Variants in MRS2 observed in about 807,000 individuals in gnomAD.
MRS2 encodes magnesium transporter MRS2.
A neutral mutation model predicts 52.6 loss-of-function variants in MRS2; 40 were observed. The observed-to-expected ratio is 0.76, with a 90% CI of 0.59 to 0.99. The LOEUF is 0.99. Among genes scored for constraint, MRS2 ranks in the 50% least tolerant of loss-of-function variants. The probability of loss-of-function intolerance (pLI) is 0.00; values close to 1 mark genes in which losing one functional copy is unlikely to be tolerated. For missense variants in MRS2, 472 were observed against 532.7 expected, an observed-to-expected ratio of 0.89 and a Z score of 1.12; for synonymous variants, 193 against 195.9, an observed-to-expected ratio of 0.98 and a Z score of 0.13.
intron 3 of MRS2, 97 bp downstream of exon 3, chr6:24,408,541 C>A: frequency 1.2e-6 from 1 of 864,386 alleles, no homozygotes; most frequent in Non-Finnish European, 1.9e-6. Flanking sequence ...ATATTCTTTG[C>A]ATATACAGGT....
At chr6:24,403,928 A>G (rs1761373526) in intron 1 of MRS2, among the ~76,000 whole-genome samples, 2 of 152,212 alleles carry the variant, frequency 1.3e-5, no homozygotes, top group Non-Finnish European at 2.9e-5. Flanking sequence ...GTAAACAGCC[A>G]GGGAGATCGG....
intron 2 of MRS2, among the ~76,000 whole-genome samples, chr6:24,405,618 C>A (rs566328228): frequency 4.9e-4 from 69 of 141,646 alleles, no homozygotes; most frequent in African/African-American, 1.8e-3. Context: ...TGAAATGGTT[C>A]GGGGGTGGGG....
At chr6:24,420,384 A>G (rs780138101) in intron 9 of MRS2, among the ~76,000 whole-genome samples, 17 of 152,256 alleles carry the variant, frequency 1.1e-4, no homozygotes, top group African/African-American at 1.4e-4. Context: ...AAAGCCTGCA[A>G]AAGAGCATGA....
At chr6:24,407,780 T>C (rs1761525397) in intron 2 of MRS2, among the ~76,000 whole-genome samples, 1 of 152,028 alleles carries the variant, frequency 6.6e-6, no homozygotes, top group Admixed American at 6.6e-5. Context: ...AACAACAGGG[T>C]AGTGTTAGGT....
intron 4 of MRS2, among the ~76,000 whole-genome samples, chr6:24,409,850 T>C (rs1379380419): frequency 6.6e-6 from 1 of 152,254 alleles, no homozygotes; most frequent in African/African-American, 2.4e-5. Context: ...TCTCTAGTTC[T>C]GGAAACTATA....
At chr6:24,410,905 A>C in intron 4 of MRS2, 1 of 615,308 alleles carries the variant, frequency 1.6e-6, no homozygotes, top group Non-Finnish European at 2.8e-6. Flanking sequence ...AATTTTCATG[A>C]GGCTAGGTTG....
At chr6:24,418,941 A>G (rs1397157466) in intron 9 of MRS2, 2 of 171,002 alleles carry the variant, frequency 1.2e-5, no homozygotes, top group Non-Finnish European at 2.5e-5. Context: ...TTTTTAATGG[A>G]TTTAAAAAAT....
chr6:24,425,242 A>AAT lies in MRS2; in HGVS notation c.*1548_*1549insAT, dbSNP rs1305125853. On this transcript the variant is annotated 3_prime_UTR_variant, in exon 11 of 11. Coordinates refer to ENST00000378386, the MANE Select transcript of MRS2 (RefSeq NM_020662.4). ...TCGTATCACTGTAAAATACATAATA[A>AAT]GTACTACTTAACTGTGACATGAAGA... 2 of 152,216 alleles carry AAT rather than the reference A, an allele frequency of 1.3e-5. No homozygotes were observed. The highest frequency in any genetic ancestry group is 2.9e-5 in the Non-Finnish European group (2 of 68,034). 9.4% of individuals were successfully genotyped at this position (152,216 alleles called of 1,614,324 possible).
At chr6:24,407,440 T>C (rs1467871363) in intron 2 of MRS2, among the ~76,000 whole-genome samples, 1 of 152,216 alleles carries the variant, frequency 6.6e-6, no homozygotes, top group Non-Finnish European at 1.5e-5. Flanking sequence ...CCAAGACCTA[T>C]ATTGTACTTA....
At chr6:24,404,491 G>A (rs1176833997) in intron 1 of MRS2, among the ~76,000 whole-genome samples, 1 of 152,066 alleles carries the variant, frequency 6.6e-6, no homozygotes, top group Non-Finnish European at 1.5e-5. Context: ...ACAGTCTCTG[G>A]AATCAGTGTA....
At position 24,418,446 on chromosome 6, in the gene MRS2, T is replaced by G. The variant is rs1211703862; in HGVS notation, c.990-15T>G. 1 of 1,613,734 alleles carries G rather than the reference T, an allele frequency of 6.2e-7. No individual in the cohort carries two copies. Among genetic ancestry groups the G allele is most frequent in the Non-Finnish European group, 8.5e-7 (1 of 1,179,898 alleles). On this transcript the variant is annotated splice_polypyrimidine_tract_variant and intron_variant, in intron 8 of 10. Transcript: ENST00000378386. ...AGTGGGCCCTTCTAATCTGAATAGG[T>G]GTTCTCCTCTCCAGCCACCGAAACG...
At chr6:24,423,556 C>A (rs199504969) in intron 10 of MRS2, 28 bp from the exon 11 acceptor site, 52 of 1,331,382 alleles carry the variant, frequency 3.9e-5, no homozygotes, top group Admixed American at 9.7e-5. Flanking sequence ...AAAAAAGATA[C>A]TAAAATTAAT....
Position 24,418,575 on chromosome 6 carries a change from A to C in MRS2, c.1104A>C (p.Glu368Asp). 6.2e-7 allele frequency: 1 copy of C among 1,604,676 alleles called. No individual in the cohort carries two copies. The highest frequency in any genetic ancestry group is 8.5e-7 in the Non-Finnish European group (1 of 1,171,540). ...AFGMNLESSL[E>D]EDHRIFWLIT... ...GAATGAATTTGGAATCTTCCCTTGA[A>C]GAGGTGAGAATGTATTATTATTTCT... Residue 368 changes from glutamate (E) to aspartate (D), a missense_variant, in exon 9 of 11, where the codon GAA becomes GAC. By Grantham distance (45) the Glu-to-Asp change is conservative. Transcript: ENST00000378386.
At chr6:24,409,670 G>C (rs1337371533) in intron 4 of MRS2, 97 bp downstream of exon 4, 2 of 707,878 alleles carry the variant, frequency 2.8e-6, no homozygotes, top group Non-Finnish European at 4.6e-6. Flanking sequence ...AAGTAATTTT[G>C]GAATAGAAAT....
chr6:24,403,312 C>G (rs1761350393), intron 1 of MRS2, 76 bp downstream of exon 1: 1 of 1,379,306 alleles, frequency 7.3e-7, no homozygotes, highest in Admixed American at 2.9e-5. Context: ...AGCCGTCCGG[C>G]GCGGCGCGCC....
At chr6:24,414,806 T>C (rs1384095126) in intron 5 of MRS2, among the ~76,000 whole-genome samples, 1 of 152,202 alleles carries the variant, frequency 6.6e-6, no homozygotes, top group East Asian at 1.9e-4. Context: ...GTTAGCTCCT[T>C]GTCAACCAAA....
chr6:24,403,163 C>A lies in MRS2; in HGVS notation c.117C>A (p.Cys39Ter). 1.2e-6 allele frequency: 2 copies of A among 1,608,844 alleles called. No individual in the cohort carries two copies. The highest frequency in any genetic ancestry group is 8.5e-7 in the Non-Finnish European group (1 of 1,179,852). ...VTSVGPPVAA[C>*]GRRANLIGRS... ...CTGTGGGTCCTCCCGTTGCTGCCTG[C>A]GGCCGCCGAGCCAACCTGATTGGAA... Residue 39 changes from cysteine (C) to a stop codon, truncating the protein, a stop_gained, in exon 1 of 11, where the codon TGC (cysteine) becomes TGA (stop). Transcript: ENST00000378386. LOFTEE classifies it high-confidence loss of function.
At chr6:24,422,643 G>A (rs939423184) in intron 9 of MRS2, among the ~76,000 whole-genome samples, 5 of 152,168 alleles carry the variant, frequency 3.3e-5, no homozygotes, top group Admixed American at 6.5e-5. Context: ...GTGTCCTCTG[G>A]CATCATGACT....
At chr6:24,420,021 A>C (rs1490218185) in intron 9 of MRS2, among the ~76,000 whole-genome samples, 1 of 152,220 alleles carries the variant, frequency 6.6e-6, no homozygotes, top group Non-Finnish European at 1.5e-5. Flanking sequence ...CCTTTTAAAA[A>C]GTGGTCTTTA....
Sources: allele counts gnomAD v4.1 joint callset (sites outside exome capture counted in the v4.1 genomes callset), GRCh38; gene constraint gnomAD v4.1.1; transcripts MANE v1.5; gene names NCBI Gene and HGNC (gene_info 2026-07-23, HGNC 2026-07-21).